LRRC38: variants seen among roughly 807,000 people sequenced by gnomAD.
LRRC38 encodes leucine rich repeat containing 38, also known as leucine-rich repeat-containing protein 38.
In LRRC38, 5 loss-of-function variants were observed where a neutral mutation model predicts 16.4. The ratio of observed to expected loss-of-function variants is 0.31; its 90% CI spans 0.16 to 0.64. The LOEUF (loss-of-function observed/expected upper bound fraction) is 0.64, where lower values mean the gene tolerates loss of function less well. LRRC38 is among the 30% of genes least tolerant of loss of function. The pLI is 0.80. For missense variants in LRRC38, 341 were observed against 401.8 expected, an observed-to-expected ratio of 0.85 and a Z score of 1.29; for synonymous variants, 191 against 190.2, an observed-to-expected ratio of 1.00 and a Z score of -0.04.
In LRRC38 at chr1:13,487,373, G is replaced by C. The variant is rs75556355; in HGVS notation, c.632-11274C>G. Among the ~76,000 whole-genome samples the C allele has an allele frequency of 9.9e-3, 1,512 of 152,294 alleles. 23 individuals are homozygous for C. Among genetic ancestry groups the C allele is most frequent in the African/African-American group, 0.034 (1,427 of 41,568 alleles). Reference sequence around the variant, plus strand: ...GGCATGAGGGCTTTGGGAGGCAGCGGGAGTGATGCAGCTCACCTCCCCACA... The same window carrying C: ...GGCATGAGGGCTTTGGGAGGCAGCGCGAGTGATGCAGCTCACCTCCCCACA... On this transcript the variant is annotated intron_variant, in intron 1 of 1. Transcript: ENST00000376085. This position sits in a 1 kb window ranked among gnomAD's most constrained non-coding sequence, Gnocchi z 4.4.
At chr1:13,512,923 C>CCG in intron 1 of LRRC38, 40 bp downstream of exon 1, 4 of 1,238,400 alleles carry the variant, frequency 3.2e-6, no homozygotes. Context: ...CTCTCCCTGC[C>CCG]CCCCTCCCTC....
intron 1 of LRRC38, among the ~76,000 whole-genome samples, chr1:13,505,119 G>A (rs919569952): frequency 1.3e-5 from 2 of 152,198 alleles, no homozygotes; most frequent in African/African-American, 2.4e-5. Context: ...CGATTCAGCT[G>A]GAGTTAAACT....
rs144718507 is a variant in LRRC38, at chr1:13,499,889, A to G, written c.631+13074T>C. On this transcript the variant is annotated intron_variant, in intron 1 of 1. Transcript: ENST00000376085. ...TAAATCTCACCCAAATCACTAAGCC[A>G]AAGGGAAAAGTCAAGCTGGGAACTG... Among the ~76,000 whole-genome samples the G allele has an allele frequency of 2.6e-3, 390 of 152,290 alleles. 1 individual carries two copies. The highest frequency in any genetic ancestry group is 9.0e-3 in the African/African-American group (374 of 41,546).
At chr1:13,497,314 G>A (rs12751940) in intron 1 of LRRC38, among the ~76,000 whole-genome samples, 29,989 of 152,074 alleles carry the variant, frequency 0.2, 5,503 homozygotes, top group African/African-American at 0.49. Flanking sequence ...AGTGTTTAAT[G>A]CACCCTGGTT....
At chr1:13,489,401 A>G (rs2100500992) in intron 1 of LRRC38, among the ~76,000 whole-genome samples, 1 of 152,268 alleles carries the variant, frequency 6.6e-6, no homozygotes, top group South Asian at 2.1e-4. Context: ...GAAGATCTGA[A>G]GTCACCTTTG....
In LRRC38 at chr1:13,512,960, C is replaced by G. The variant is rs537476330; in HGVS notation, c.631+3G>C. On this transcript the variant is annotated splice_donor_region_variant and intron_variant, in intron 1 of 1. Transcript: ENST00000376085. The stretch of plus-strand genomic sequence containing the variant: ...CTCCCCCAGCCTAGCCGGCTCGGCT[C>G]ACCTTTGGGCAGTTTGGATGCGTTC... The G allele has an allele frequency of 7.5e-5, 110 of 1,467,964 alleles. No individual in the cohort carries two copies. In the East Asian group the frequency reaches 3.0e-3, roughly 40 times the overall value. 90.9% of individuals were successfully genotyped at this position (1,467,964 alleles called of 1,614,324 possible). A position where few individuals can be genotyped will look rare whatever the true frequency, so the allele number is the denominator to read the frequency against.
At chr1:13,485,321 T>C (rs192116756) in intron 1 of LRRC38, among the ~76,000 whole-genome samples, 371 of 147,434 alleles carry the variant, frequency 2.5e-3, no homozygotes, top group Admixed American at 5.5e-3. Flanking sequence ...CTCACGCCTG[T>C]AATCCCAGCA....
chr1:13,497,527 TC>T (rs1280438678), intron 1 of LRRC38, among the ~76,000 whole-genome samples: 2 of 152,070 alleles, frequency 1.3e-5, no homozygotes, highest in Non-Finnish European at 2.9e-5. Context: ...CTCTGCCACT[TC>T]TTGGCTGGTG....
intron 1 of LRRC38, among the ~76,000 whole-genome samples, chr1:13,480,501 C>T (rs146295723): frequency 3.3e-5 from 5 of 152,300 alleles, no homozygotes; most frequent in African/African-American, 7.2e-5. Flanking sequence ...GACAGGGTCT[C>T]GCTCTGTTGC....
At chr1:13,499,291 G>T (rs1386632581) in intron 1 of LRRC38, among the ~76,000 whole-genome samples, 1 of 152,112 alleles carries the variant, frequency 6.6e-6, no homozygotes, top group Non-Finnish European at 1.5e-5. Context: ...TAGAGACGGG[G>T]TTTCACCATG....
chr1:13,491,945 G>T (rs988183244), intron 1 of LRRC38, among the ~76,000 whole-genome samples: 1 of 152,108 alleles, frequency 6.6e-6, no homozygotes, highest in Non-Finnish European at 1.5e-5. Context: ...TAAAGTGCTG[G>T]GATTACAGGT....
chr1:13,481,843 G>A (rs994760568), intron 1 of LRRC38, among the ~76,000 whole-genome samples: 1 of 150,028 alleles, frequency 6.7e-6, no homozygotes, highest in African/African-American at 2.5e-5. Flanking sequence ...TGAGGACCCA[G>A]AAAGAAGGCG....
chr1:13,481,784 T>C (rs1638871178), intron 1 of LRRC38, among the ~76,000 whole-genome samples: 9 of 28,010 alleles, frequency 3.2e-4, no homozygotes, highest in African/African-American at 2.1e-3. Flanking sequence ...TCTCTCCCTC[T>C]CTCCCTCTCT....
At chr1:13,504,823 A>G (rs1469100789) in intron 1 of LRRC38, among the ~76,000 whole-genome samples, 1 of 150,794 alleles carries the variant, frequency 6.6e-6, no homozygotes, top group Non-Finnish European at 1.5e-5. Flanking sequence ...AGAGAAAAGA[A>G]GAAAAGAGAA....
chr1:13,476,006 C>T lies in LRRC38; in HGVS notation c.725G>A (p.Ser242Asn), dbSNP rs1638783923. 1 of 1,550,430 alleles carries T rather than the reference C, an allele frequency of 6.4e-7. No homozygotes were observed. The highest frequency in any genetic ancestry group is 1.4e-5 in the African/African-American group (1 of 73,022). The change falls in exon 2 of 2, where the codon AGC (serine) becomes AAC (asparagine). Residue 242 changes from serine (S) to asparagine (N), a missense_variant. Coordinates refer to ENST00000376085, the MANE Select transcript of LRRC38 (RefSeq NM_001010847.2). ...SEASFSECRF[S>N]LSLTDLCIII... ...GATGCAGAGGTCTGTGAGTGACAGG[C>T]TGAACCTACACTCGCTGAAGCTGGC...
intron 1 of LRRC38, among the ~76,000 whole-genome samples, chr1:13,510,677 ACACCTGTTGAG>A (rs1639263993): frequency 6.6e-6 from 1 of 151,884 alleles, no homozygotes; most frequent in East Asian, 2.0e-4. Context: ...GGGGCGGGGA[ACACCTGTTGAG>A]CACCTACCAC....
chr1:13,498,167 C>T (rs1216114415), intron 1 of LRRC38, among the ~76,000 whole-genome samples: 2 of 150,912 alleles, frequency 1.3e-5, no homozygotes, highest in Non-Finnish European at 2.9e-5. Flanking sequence ...AGATAATTGA[C>T]AAAATGAAGT....
chr1:13,488,415 G>A (rs1191515294), intron 1 of LRRC38, among the ~76,000 whole-genome samples: 1 of 151,980 alleles, frequency 6.6e-6, no homozygotes, highest in Non-Finnish European at 1.5e-5. Flanking sequence ...GGAATTACAG[G>A]CACTTGCCAC....
intron 1 of LRRC38, among the ~76,000 whole-genome samples, chr1:13,480,705 C>T (rs1638841956): frequency 6.6e-6 from 1 of 151,954 alleles, no homozygotes; most frequent in Admixed American, 6.5e-5. Flanking sequence ...CTCTTGCCTG[C>T]CACCGTGTAA....
Sources: allele counts gnomAD v4.1 joint callset (sites outside exome capture counted in the v4.1 genomes callset), GRCh38; gene constraint gnomAD v4.1.1; non-coding constraint Gnocchi (gnomAD v3.1); transcripts MANE v1.5; gene names NCBI Gene and HGNC (gene_info 2026-07-23, HGNC 2026-07-21).